ACCSL: variants seen among roughly 807,000 people sequenced by gnomAD.
ACCSL encodes the protein probable inactive 1-aminocyclopropane-1-carboxylate synthase-like protein 2.
ACCSL carries 55 observed loss-of-function variants against 61.7 expected under a neutral mutation model. That is an observed-to-expected ratio of 0.89 (90% CI 0.72 to 1.12). The LOEUF is 1.12. ACCSL is among the 50% of genes most tolerant of loss of function. The pLI is 0.00. For synonymous variants in ACCSL, 258 were observed against 264.3 expected (o/e 0.98, Z 0.23); for missense variants, 632 against 698.0 (o/e 0.91, Z 1.07).
At chr11:43,999,458 G>A in the ACCSL span, among the ~76,000 whole-genome samples, 1 of 152,166 alleles carries the variant, frequency 6.6e-6, no homozygotes, top group South Asian at 2.1e-4. Flanking sequence ...TCACTCTAGT[G>A]TTGGTGGAAT....
At chr11:43,948,994 A>T in the ACCSL span, among the ~76,000 whole-genome samples, 1 of 152,192 alleles carries the variant, frequency 6.6e-6, no homozygotes. Flanking sequence ...TGGTTCAGAG[A>T]TTCCCTAATG....
the ACCSL span, among the ~76,000 whole-genome samples, chr11:44,042,306 T>A: frequency 6.6e-6 from 1 of 152,176 alleles, no homozygotes; most frequent in Admixed American, 6.5e-5. Flanking sequence ...GGGAGTTAGC[T>A]CTTTTCTAAC....
the ACCSL span, among the ~76,000 whole-genome samples, chr11:43,932,552 G>A: frequency 1.3e-5 from 2 of 152,206 alleles, no homozygotes; most frequent in Non-Finnish European, 2.9e-5. Context: ...TTACAGGTGT[G>A]AGTCACGGCA....
At chr11:43,935,686 T>C in the ACCSL span, among the ~76,000 whole-genome samples, 3 of 152,238 alleles carry the variant, frequency 2.0e-5, no homozygotes, top group Non-Finnish European at 4.4e-5. Flanking sequence ...GGTCTCACTA[T>C]GTTACTATGT....
intron 2 of ACCSL, 61 bp from the exon 3 acceptor site, chr11:44,050,491 G>A (rs1234526898): frequency 1.4e-6 from 2 of 1,465,924 alleles, no homozygotes; most frequent in Non-Finnish European, 1.9e-6. Flanking sequence ...CAAACTAGGA[G>A]TAGAATGAGG....
At chr11:43,947,626 A>G in the ACCSL span, among the ~76,000 whole-genome samples, 1 of 152,162 alleles carries the variant, frequency 6.6e-6, no homozygotes, top group Non-Finnish European at 1.5e-5. Flanking sequence ...AGAGAAGGCA[A>G]TGGAAAGAGA....
the ACCSL span, among the ~76,000 whole-genome samples, chr11:43,991,877 C>T: frequency 2.2e-4 from 34 of 152,220 alleles, no homozygotes; most frequent in African/African-American, 7.9e-4. Context: ...TCAGGCCACC[C>T]CAAGTGTCTC....
chr11:44,011,226 C>A, the ACCSL span, among the ~76,000 whole-genome samples: 4 of 152,156 alleles, frequency 2.6e-5, no homozygotes, highest in South Asian at 8.3e-4. Flanking sequence ...TCAACAGGTA[C>A]ATCCTCCCTG....
At chr11:44,047,900 A>G, upstream of ACCSL, 1 of 1,159,368 alleles carries the variant, frequency 8.6e-7, no homozygotes, top group South Asian at 1.5e-5. Flanking sequence ...AGTGAGAAGA[A>G]CAGATCTGAG....
At chr11:44,043,696 T>C (rs1014749857), upstream of ACCSL, among the ~76,000 whole-genome samples, 1 of 152,216 alleles carries the variant, frequency 6.6e-6, no homozygotes, top group African/African-American at 2.4e-5. Context: ...GTGTGTGTAT[T>C]AGATTTTTTC....
chr11:44,044,264 C>G (rs1019264383), upstream of ACCSL, among the ~76,000 whole-genome samples: 1 of 152,114 alleles, frequency 6.6e-6, no homozygotes, highest in Admixed American at 6.5e-5. Context: ...AAATGGGAGG[C>G]TTGGGGTTTA....
the ACCSL span, among the ~76,000 whole-genome samples, chr11:43,954,884 C>T: frequency 6.6e-6 from 1 of 152,106 alleles, no homozygotes; most frequent in African/African-American, 2.4e-5. Context: ...CGTGCCCGGC[C>T]CTGTATCTTT....
the ACCSL span, among the ~76,000 whole-genome samples, chr11:44,041,132 G>A: frequency 6.6e-6 from 1 of 152,216 alleles, no homozygotes; most frequent in Non-Finnish European, 1.5e-5. Context: ...TGGTAATATT[G>A]TGGTTCAGAG....
the ACCSL span, among the ~76,000 whole-genome samples, chr11:43,952,068 T>C: frequency 3.9e-5 from 6 of 152,144 alleles, no homozygotes; most frequent in African/African-American, 1.4e-4. Flanking sequence ...CTTTTTTTTT[T>C]TTTCTTTCCA....
chr11:43,978,051 C>A, the ACCSL span, among the ~76,000 whole-genome samples: 4 of 145,938 alleles, frequency 2.7e-5, no homozygotes, highest in Non-Finnish European at 4.5e-5. Context: ...GCTCTATTGC[C>A]CAGGCTGGAG....
the ACCSL span, among the ~76,000 whole-genome samples, chr11:43,929,836 G>A: frequency 5.3e-5 from 8 of 152,164 alleles, no homozygotes; most frequent in South Asian, 4.1e-4. Context: ...GTGAACCACC[G>A]TACCTGGCCT....
chr11:43,953,239 G>A, the ACCSL span, among the ~76,000 whole-genome samples: 2 of 152,174 alleles, frequency 1.3e-5, no homozygotes, highest in Non-Finnish European at 2.9e-5. Flanking sequence ...GATATGCCAG[G>A]TGTGGTGGCT....
chr11:44,031,315 C>T, the ACCSL span, among the ~76,000 whole-genome samples: 36 of 152,198 alleles, frequency 2.4e-4, no homozygotes, highest in Non-Finnish European at 4.6e-4. Context: ...CCGGCTCCCC[C>T]AGGGTATCTG....
At chr11:44,050,431 C>T (rs975977753) in intron 2 of ACCSL, 121 bp from the exon 3 acceptor site, 6 of 831,328 alleles carry the variant, frequency 7.2e-6, no homozygotes, top group African/African-American at 6.8e-5. Context: ...AGTGTATATA[C>T]CCATTCCCTT....
Sources: gnomAD v4.1 joint callset for allele counts (sites outside exome capture counted in the v4.1 genomes callset) on GRCh38, gnomAD v4.1.1 for gene constraint, MANE v1.5 for transcripts, NCBI Gene and HGNC (gene_info 2026-07-23, HGNC 2026-07-21) for gene names.